The following RANBP3 variants were observed in gnomAD, a reference collection of about 807,000 sequenced individuals.
The protein encoded by RANBP3 is ran-binding protein 3.
Under a neutral mutation model 77.3 loss-of-function variants are expected in RANBP3, and 14 were observed. The ratio of observed to expected loss-of-function variants is 0.18; its 90% CI spans 0.12 to 0.28. The LOEUF is 0.28. Among genes scored for constraint, RANBP3 ranks in the 10% least tolerant of loss-of-function variants. The pLI, the probability that RANBP3 is intolerant of heterozygous loss-of-function variation, is 1.00. For missense variants in RANBP3, 586 were observed against 752.3 expected (o/e 0.78, Z 2.59); for synonymous variants, 315 against 312.4 (o/e 1.01, Z -0.09).
At chr19:5,967,329 T>C (rs748656588) in intron 1 of RANBP3, among the ~76,000 whole-genome samples, 1 of 152,260 alleles carries the variant, frequency 6.6e-6, no homozygotes, top group Non-Finnish European at 1.5e-5. Flanking sequence ...TACTTCTTTC[T>C]GGAATGCTCA....
intron 2 of RANBP3, 123 bp downstream of exon 2, chr19:5,957,795 T>C (rs892517279): frequency 5.8e-6 from 6 of 1,026,288 alleles, no homozygotes; most frequent in Middle Eastern, 2.1e-4. Flanking sequence ...TAAAGGCCTC[T>C]GCTTAGGTCT....
chr19:5,972,395 C>T (rs2058541171), intron 1 of RANBP3, among the ~76,000 whole-genome samples: 1 of 152,166 alleles, frequency 6.6e-6, no homozygotes, highest in Non-Finnish European at 1.5e-5. Context: ...AGGAGCTTTA[C>T]CCTGATGTCC....
Position 5,942,003 on chromosome 19 carries a change from C to A in RANBP3, c.283-168G>T, listed in dbSNP as rs117825184. ...TTAGCCTAAAGCTCAAACATCCCCC[C>A]GATGAACCTCTGCACCCAGCTTCAC... On this transcript the variant is annotated intron_variant, in intron 3 of 16. Transcript: ENST00000340578. Among the ~76,000 whole-genome samples, 122 of 152,266 alleles carry A rather than the reference C, an allele frequency of 8.0e-4. 2 individuals carry two copies. In the East Asian group the frequency reaches 0.02, roughly 25 times the overall value.
intron 10 of RANBP3, chr19:5,925,356 G>A: frequency 1.8e-6 from 1 of 546,656 alleles, no homozygotes; most frequent in East Asian, 3.2e-5. Flanking sequence ...AAGACAGAGG[G>A]CACACTCCAA....
At chr19:5,967,933 C>G (rs1408885239) in intron 1 of RANBP3, among the ~76,000 whole-genome samples, 1 of 152,132 alleles carries the variant, frequency 6.6e-6, no homozygotes. Flanking sequence ...CCAAGCATCA[C>G]TTGAACCCAG....
At chr19:5,977,985 C>A (rs2058617992) in intron 1 of RANBP3, 76 bp downstream of exon 1, 3 of 1,585,318 alleles carry the variant, frequency 1.9e-6, no homozygotes, top group African/African-American at 2.7e-5. Context: ...GTGCTCCCCC[C>A]AAGGGCTTGT....
chr19:5,925,375 C>A (rs1246092700), intron 10 of RANBP3: 6 of 566,044 alleles, frequency 1.1e-5, no homozygotes, highest in Admixed American at 3.1e-5. Context: ...AAGGGCTGGG[C>A]TGTAGCCTCC....
intron 7 of RANBP3, 60 bp from the exon 8 acceptor site, chr19:5,931,591 C>T: frequency 6.4e-7 from 1 of 1,553,136 alleles, no homozygotes; most frequent in Non-Finnish European, 8.7e-7. Flanking sequence ...CACCCCCACT[C>T]ACATAGCTGA....
intron 5 of RANBP3, chr19:5,933,696 T>C: frequency 2.0e-6 from 1 of 489,004 alleles, no homozygotes; most frequent in East Asian, 3.7e-5. Context: ...GAACGATGGC[T>C]CTTGGGCCAG....
At chr19:5,918,846 C>G (rs2057780319) in intron 14 of RANBP3, among the ~76,000 whole-genome samples, 1 of 152,310 alleles carries the variant, frequency 6.6e-6, no homozygotes, top group South Asian at 2.1e-4. Flanking sequence ...CTCCCCAAGC[C>G]TGGACCACTG....
At chr19:5,922,419 G>A (rs2057834121) in intron 13 of RANBP3, among the ~76,000 whole-genome samples, 1 of 152,192 alleles carries the variant, frequency 6.6e-6, no homozygotes, top group South Asian at 2.1e-4. Flanking sequence ...CTGCTTATGT[G>A]CCACGGGAGA....
intron 1 of RANBP3, among the ~76,000 whole-genome samples, chr19:5,965,546 G>A (rs2058457525): frequency 6.6e-6 from 1 of 152,170 alleles, no homozygotes; most frequent in Non-Finnish European, 1.5e-5. Context: ...GTGCTGTAGA[G>A]CCCCTTGGGA....
At position 5,957,186 on chromosome 19, in the gene RANBP3, G is replaced by T. The variant is rs1038975065; in HGVS notation, c.78+732C>A. Among the ~76,000 whole-genome samples, 6 of 152,268 alleles carry T rather than the reference G, an allele frequency of 3.9e-5. No individual in the cohort carries two copies. In the East Asian group the frequency reaches 5.8e-4, roughly 15 times the overall value. ...TGCCACACAGCACCAACTAACTTCT[G>T]ACAAAACTCTGACCATCCACACCGA... On this transcript the variant is annotated intron_variant, in intron 2 of 16. Transcript: ENST00000340578.
intron 9 of RANBP3, among the ~76,000 whole-genome samples, chr19:5,927,027 T>C (rs1309673877): frequency 6.6e-6 from 1 of 151,822 alleles, no homozygotes; most frequent in African/African-American, 2.4e-5. Context: ...AGGGGCGGAG[T>C]GGCATCCCTG....
chr19:5,943,532 T>C (rs1419615733), intron 3 of RANBP3, among the ~76,000 whole-genome samples: 1 of 152,236 alleles, frequency 6.6e-6, no homozygotes, highest in Non-Finnish European at 1.5e-5. Flanking sequence ...CTGGAGCTTG[T>C]GGCAGTGAGA....
chr19:5,964,848 A>G (rs1380248265), intron 1 of RANBP3, among the ~76,000 whole-genome samples: 1 of 4,722 alleles, frequency 2.1e-4, no homozygotes, highest in African/African-American at 9.2e-4. Flanking sequence ...TGGAGGTGGT[A>G]GGGTGGGGGG....
chr19:5,967,797 G>T (rs548836095), intron 1 of RANBP3, among the ~76,000 whole-genome samples: 232 of 152,324 alleles, frequency 1.5e-3, no homozygotes, highest in African/African-American at 5.2e-3. Context: ...GAGGCATGTG[G>T]ATCACTTGAG....
At chr19:5,918,354 C>G (rs1402530349) in intron 15 of RANBP3, 142 bp downstream of exon 15, 3 of 919,014 alleles carry the variant, frequency 3.3e-6, no homozygotes, top group African/African-American at 3.4e-5. Context: ...TGGCGGGTCC[C>G]ATAGTGCTTC....
intron 1 of RANBP3, among the ~76,000 whole-genome samples, chr19:5,963,375 G>T (rs1368764825): frequency 1.3e-5 from 2 of 152,036 alleles, no homozygotes; most frequent in African/African-American, 4.8e-5. Context: ...AACATAATGA[G>T]ACCCTATTTC....
Sources: allele counts gnomAD v4.1 joint callset (sites outside exome capture counted in the v4.1 genomes callset), GRCh38; gene constraint gnomAD v4.1.1; transcripts MANE v1.5; gene names NCBI Gene and HGNC (gene_info 2026-07-23, HGNC 2026-07-21).